Variants in PRR5 observed in about 807,000 individuals in gnomAD.
The protein encoded by PRR5 is proline rich 5.
A neutral mutation model predicts 30.6 loss-of-function variants in PRR5; 25 were observed. The observed-to-expected ratio is 0.82, with a 90% confidence interval of 0.60 to 1.14. The LOEUF (loss-of-function observed/expected upper bound fraction) is 1.14. Among genes scored for constraint, PRR5 ranks in the 50% most tolerant of loss-of-function variants. The pLI is 0.00. For missense variants in PRR5, 600 were observed against 547.1 expected (o/e 1.10, Z -0.96); for synonymous variants, 286 against 247.1 (o/e 1.16, Z -1.48).
At chr22:44,725,819 C>G (rs1372781588) in intron 3 of PRR5, among the ~76,000 whole-genome samples, 1 of 152,198 alleles carries the variant, frequency 6.6e-6, no homozygotes, top group Non-Finnish European at 1.5e-5. Flanking sequence ...TACCCACCAT[C>G]TTGCCCAGCT....
intron 1 of PRR5, among the ~76,000 whole-genome samples, chr22:44,709,042 T>C (rs1364432576): frequency 2.7e-5 from 4 of 149,350 alleles, no homozygotes; most frequent in Non-Finnish European, 5.9e-5. Flanking sequence ...GGACGGAAGC[T>C]GGGATTCAAC....
At chr22:44,725,845 G>T (rs1422988075) in intron 3 of PRR5, among the ~76,000 whole-genome samples, 1 of 152,096 alleles carries the variant, frequency 6.6e-6, no homozygotes, top group African/African-American at 2.4e-5. Flanking sequence ...TTGTATTTTT[G>T]TAGAGACAGG....
At chr22:44,736,244 C>A (rs960598356) in intron 7 of PRR5, among the ~76,000 whole-genome samples, 1 of 152,224 alleles carries the variant, frequency 6.6e-6, no homozygotes, top group African/African-American at 2.4e-5. Context: ...CTCCCCGCAT[C>A]CCCAGGATGG....
At chr22:44,716,185 C>A (rs1475747289) in intron 2 of PRR5, among the ~76,000 whole-genome samples, 2 of 152,204 alleles carry the variant, frequency 1.3e-5, no homozygotes, top group African/African-American at 4.8e-5. Flanking sequence ...CCCAGGCTTC[C>A]CTCGTCAGCC....
At chr22:44,683,228 C>G (rs527804629) in intron 1 of PRR5, among the ~76,000 whole-genome samples, 1 of 152,314 alleles carries the variant, frequency 6.6e-6, no homozygotes, top group East Asian at 1.9e-4. Context: ...CACCCTCTGG[C>G]CTTATCCCTG....
chr22:44,729,280 C>G (rs1921462977), intron 4 of PRR5: 1 of 934,314 alleles, frequency 1.1e-6, no homozygotes, highest in South Asian at 4.9e-5. Context: ...TCCTGAGTCT[C>G]CCGACGGGCT....
intron 1 of PRR5, 109 bp from the exon 2 acceptor site, chr22:44,714,482 A>T: frequency 6.8e-7 from 1 of 1,462,382 alleles, no homozygotes; most frequent in Non-Finnish European, 9.3e-7. Context: ...TCCTGCAGGG[A>T]TGGCTATCCT....
At chr22:44,674,785 A>G (rs760806734), upstream of PRR5, among the ~76,000 whole-genome samples, 5 of 151,854 alleles carry the variant, frequency 3.3e-5, no homozygotes, top group East Asian at 9.6e-4. Flanking sequence ...TCTCTACTAG[A>G]AAATACAAAA....
upstream of PRR5, among the ~76,000 whole-genome samples, chr22:44,699,463 A>G (rs973681078): frequency 6.6e-6 from 1 of 152,262 alleles, no homozygotes; most frequent in Non-Finnish European, 1.5e-5. Flanking sequence ...ACCAGTGGCC[A>G]TGACGGAGAT....
upstream of PRR5, among the ~76,000 whole-genome samples, chr22:44,675,148 G>A (rs1178395556): frequency 6.6e-6 from 1 of 150,722 alleles, no homozygotes; most frequent in African/African-American, 2.4e-5. Context: ...TACTCAGGAG[G>A]CTGAGGCAGG....
chr22:44,733,664 G>A (rs1372824613), intron 6 of PRR5, among the ~76,000 whole-genome samples: 3 of 152,136 alleles, frequency 2.0e-5, no homozygotes, highest in African/African-American at 7.2e-5. Context: ...TGGCAGGATA[G>A]GTGAGGACTT....
At chr22:44,679,342 T>G (rs1235839608) in intron 1 of PRR5, 1 of 152,520 alleles carries the variant, frequency 6.6e-6, no homozygotes, top group Admixed American at 6.5e-5. Context: ...TTTTCAAATT[T>G]TTAGAGTCCC....
intron 1 of PRR5, among the ~76,000 whole-genome samples, chr22:44,686,432 G>T (rs940552678): frequency 6.6e-6 from 1 of 151,176 alleles, no homozygotes; most frequent in South Asian, 2.1e-4. Context: ...TGCCTCCCGG[G>T]ATCAAAAGCT....
At chr22:44,681,982 G>A (rs1050267261) in intron 1 of PRR5, among the ~76,000 whole-genome samples, 5 of 152,198 alleles carry the variant, frequency 3.3e-5, no homozygotes, top group South Asian at 2.1e-4. Context: ...GGGAGGAGCC[G>A]GCAACAGTAG....
chr22:44,708,226 G>A (rs1569086011), intron 1 of PRR5, among the ~76,000 whole-genome samples: 1 of 152,102 alleles, frequency 6.6e-6, no homozygotes, highest in African/African-American at 2.4e-5. Context: ...AAAACAAATA[G>A]GGAAACCAAT....
rs2146957159 is a variant in PRR5, at chr22:44,737,564, A to C, written c.*317A>C. Reference sequence around the variant, plus strand: ...CCACACCTGCCCACAGAGAATGTAAACCCAGTGGGCTCTGCCCACGCCGGG... The same window carrying C: ...CCACACCTGCCCACAGAGAATGTAACCCCAGTGGGCTCTGCCCACGCCGGG... On this transcript the variant is annotated 3_prime_UTR_variant, in exon 8 of 8. Transcript: ENST00000336985. 1 of 349,448 alleles carries C rather than the reference A, an allele frequency of 2.9e-6. No homozygotes were observed. Among genetic ancestry groups the C allele is most frequent in the Non-Finnish European group, 5.1e-6 (1 of 194,424 alleles). The allele number at this position is 349,448 out of a possible 1,614,324, so 21.6% of individuals were successfully genotyped here.
At position 44,702,318 on chromosome 22, in the gene PRR5, CG is replaced by C; in HGVS notation, c.-153del. On this transcript the variant is annotated 5_prime_UTR_variant, in exon 1 of 8. It removes the in-frame stop codon of an upstream open reading frame in the 5' UTR. Coordinates refer to ENST00000336985, the MANE Select transcript of PRR5 (RefSeq NM_181333.4). ...CGGCGCGGGACCCGAGACGGAGGCG[CG>C]GGGCCGGGGCGGGACCCCGCAGGAC... The C allele has an allele frequency of 8.7e-7, 1 of 1,148,402 alleles. No individual in the cohort carries two copies. Among genetic ancestry groups the C allele is most frequent in the Non-Finnish European group, 1.1e-6 (1 of 927,794 alleles). 71.1% of individuals were successfully genotyped at this position (1,148,402 alleles called of 1,614,324 possible).
At chr22:44,686,727 G>C (rs1924786558) in intron 1 of PRR5, among the ~76,000 whole-genome samples, 1 of 152,136 alleles carries the variant, frequency 6.6e-6, no homozygotes, top group Non-Finnish European at 1.5e-5. Context: ...TGTTGGTCAG[G>C]CTGGTCTTGA....
intron 1 of PRR5, among the ~76,000 whole-genome samples, chr22:44,671,146 T>G (rs977264030): frequency 6.6e-6 from 1 of 152,098 alleles, no homozygotes; most frequent in Non-Finnish European, 1.5e-5. Context: ...ACCCACAGGC[T>G]CAAACAGCAG....
Sources: gnomAD v4.1 joint callset for allele counts (sites outside exome capture counted in the v4.1 genomes callset) on GRCh38, gnomAD v4.1.1 for gene constraint, MANE v1.5 for transcripts, NCBI Gene and HGNC (gene_info 2026-07-23, HGNC 2026-07-21) for gene names.